Variants in LDB2 observed in about 807,000 individuals in gnomAD.
LDB2 encodes the protein LIM domain binding 2, also known as LIM domain-binding protein 2.
LDB2 carries 12 observed loss-of-function variants against 44.3 expected under a neutral mutation model. That is an observed-to-expected ratio of 0.27 (90% CI 0.17 to 0.44). LDB2 has a LOEUF of 0.44. Ranked by LOEUF, LDB2 falls within the 20% of genes least tolerant of loss-of-function variation. The pLI is 1.00. For missense variants in LDB2, 344 were observed against 473.5 expected (o/e 0.73, Z 2.54); for synonymous variants, 164 against 174.8 (o/e 0.94, Z 0.49).
intron 2 of LDB2, among the ~76,000 whole-genome samples, chr4:16,726,762 G>T (rs1279094288): frequency 6.6e-6 from 1 of 152,138 alleles, no homozygotes; most frequent in East Asian, 1.9e-4. Flanking sequence ...GGCTGCATAG[G>T]GGGTTTTTGA....
chr4:16,897,895 A>AATAT (rs1174965862), intron 1 of LDB2, among the ~76,000 whole-genome samples: 144 of 78,100 alleles, frequency 1.8e-3, no homozygotes, highest in African/African-American at 2.2e-3. Flanking sequence ...TAAAAAAGAA[A>AATAT]ATATATATAT....
chr4:16,591,175 G>A (rs938738475), intron 3 of LDB2, among the ~76,000 whole-genome samples: 23 of 152,286 alleles, frequency 1.5e-4, no homozygotes, highest in Middle Eastern at 6.8e-3. Context: ...TAATATATTT[G>A]TTTTGCATTT....
intron 2 of LDB2, among the ~76,000 whole-genome samples, chr4:16,682,447 C>T (rs564631708): frequency 1.6e-4 from 24 of 152,230 alleles, no homozygotes; most frequent in Admixed American, 3.3e-4. Context: ...TGAGCCTCAA[C>T]ACAAGGTGGC....
intron 2 of LDB2, among the ~76,000 whole-genome samples, chr4:16,682,434 C>T (rs1430274657): frequency 6.6e-6 from 1 of 152,142 alleles, no homozygotes; most frequent in Non-Finnish European, 1.5e-5. Flanking sequence ...CCTCACAGCC[C>T]ACTGAGCCTC....
At chr4:16,695,685 G>A (rs941340929) in intron 2 of LDB2, among the ~76,000 whole-genome samples, 2 of 152,084 alleles carry the variant, frequency 1.3e-5, no homozygotes, top group African/African-American at 4.8e-5. Context: ...ATTCAAATCT[G>A]TCCTTATAAA....
rs2152220379 is a variant in LDB2, at chr4:16,508,754, T to C, written c.740-68A>G. ...AGCAACAAGGCAATCATCAGTATGG[T>C]TACTCTAAGGAAGCTGTCTTGGTAA... is the stretch of plus-strand genomic sequence containing the variant. On this transcript the variant is annotated intron_variant, in intron 6 of 7. Coordinates refer to ENST00000304523, the MANE Select transcript of LDB2 (RefSeq NM_001290.5). 2.1e-5 allele frequency: 31 copies of C among 1,490,514 alleles called. 1 individual carries two copies. The South Asian group carries it at 3.8e-4, about 18-fold the overall frequency. 92.3% of individuals were successfully genotyped at this position (1,490,514 alleles called of 1,614,324 possible).
intron 1 of LDB2, among the ~76,000 whole-genome samples, chr4:16,882,385 C>G (rs1720404396): frequency 6.6e-6 from 1 of 152,118 alleles, no homozygotes. Flanking sequence ...TTCTTCTCTC[C>G]TTTTCAGCAG....
chr4:16,687,240 T>C (rs1560881822), intron 2 of LDB2, among the ~76,000 whole-genome samples: 1 of 152,272 alleles, frequency 6.6e-6, no homozygotes, highest in East Asian at 1.9e-4. Context: ...TCCAATTTAA[T>C]AGTATTAGGA....
At chr4:16,739,960 T>C (rs188803479) in intron 2 of LDB2, among the ~76,000 whole-genome samples, 1 of 151,808 alleles carries the variant, frequency 6.6e-6, no homozygotes, top group African/African-American at 2.4e-5. Context: ...TGAATTCAGA[T>C]GTTCATACTT....
chr4:16,537,012 T>C (rs1232436580), intron 5 of LDB2, among the ~76,000 whole-genome samples: 1 of 152,198 alleles, frequency 6.6e-6, no homozygotes, highest in Non-Finnish European at 1.5e-5. Context: ...CATATTTCGG[T>C]ATTGCCTTTT....
At chr4:16,520,462 T>C (rs1282500021) in intron 5 of LDB2, among the ~76,000 whole-genome samples, 2 of 152,184 alleles carry the variant, frequency 1.3e-5, no homozygotes, top group Non-Finnish European at 2.9e-5. Flanking sequence ...AGATTATGAT[T>C]GAGGTTTATT....
At chr4:16,776,702 T>C (rs187472911) in intron 1 of LDB2, among the ~76,000 whole-genome samples, 30 of 152,290 alleles carry the variant, frequency 2.0e-4, no homozygotes, top group African/African-American at 6.7e-4. Context: ...AAAAGATGAA[T>C]GAAATATGTC....
chr4:16,809,716 T>TACAAA (rs1178375935), intron 1 of LDB2, among the ~76,000 whole-genome samples: 3 of 110,680 alleles, frequency 2.7e-5, no homozygotes, highest in Admixed American at 1.1e-4. Flanking sequence ...TGCTGGCCTG[T>TACAAA]ACAAAACAAA....
intron 2 of LDB2, among the ~76,000 whole-genome samples, chr4:16,731,846 T>A (rs997999711): frequency 1.3e-5 from 2 of 152,094 alleles, no homozygotes; most frequent in African/African-American, 4.8e-5. Context: ...CTCATCTAGG[T>A]CTATGTGCTT....
At chr4:16,562,291 A>C (rs537749754) in intron 5 of LDB2, among the ~76,000 whole-genome samples, 2 of 152,202 alleles carry the variant, frequency 1.3e-5, no homozygotes, top group African/African-American at 2.4e-5. Flanking sequence ...CAACCTACAG[A>C]ATGGGAGAAA....
At chr4:16,753,578 G>A (rs1257165720) in intron 2 of LDB2, among the ~76,000 whole-genome samples, 1 of 152,190 alleles carries the variant, frequency 6.6e-6, no homozygotes, top group African/African-American at 2.4e-5. Flanking sequence ...TGGTGACTGA[G>A]GAAAAGAAAA....
chr4:16,798,565 G>T (rs968196044), intron 1 of LDB2, among the ~76,000 whole-genome samples: 5 of 152,204 alleles, frequency 3.3e-5, no homozygotes, highest in Non-Finnish European at 7.3e-5. Context: ...AGAAAGTCTT[G>T]GTAGACAGGC....
At chr4:16,890,264 G>C (rs13145816) in intron 1 of LDB2, among the ~76,000 whole-genome samples, 8,412 of 152,268 alleles carry the variant, frequency 0.055, 261 homozygotes, top group African/African-American at 0.064. Flanking sequence ...TTCTAGGTTT[G>C]AGAGGAAGCA....
chr4:16,681,911 G>C (rs1748051311), intron 2 of LDB2, among the ~76,000 whole-genome samples: 1 of 152,038 alleles, frequency 6.6e-6, no homozygotes, highest in African/African-American at 2.4e-5. Context: ...TTCCAGTTCT[G>C]CAACTTGAGA....
Sources: gnomAD v4.1 joint callset for allele counts (sites outside exome capture counted in the v4.1 genomes callset) on GRCh38, gnomAD v4.1.1 for gene constraint, MANE v1.5 for transcripts, NCBI Gene and HGNC (gene_info 2026-07-23, HGNC 2026-07-21) for gene names.